Variants in ZNF93 observed in about 807,000 individuals in gnomAD.
The protein encoded by ZNF93 is zinc finger protein 505.
A neutral mutation model predicts 45.0 loss-of-function variants in ZNF93; 29 were observed. The ratio of observed to expected loss-of-function variants is 0.64; its 90% CI spans 0.48 to 0.88. ZNF93 has a LOEUF of 0.88. ZNF93 is among the 40% of genes least tolerant of loss of function. ZNF93 has a pLI of 0.00. For missense variants in ZNF93, 578 were observed against 724.0 expected, an observed-to-expected ratio of 0.80 and a Z score of 2.31; for synonymous variants, 223 against 244.6, an observed-to-expected ratio of 0.91 and a Z score of 0.82.
At chr19:19,919,152 G>GT (rs2063334550) in intron 3 of ZNF93, among the ~76,000 whole-genome samples, 1 of 152,198 alleles carries the variant, frequency 6.6e-6, no homozygotes, top group Non-Finnish European at 1.5e-5. Context: ...AAGGGATCCA[G>GT]TTCCAGCTTT....
intron 1 of ZNF93, among the ~76,000 whole-genome samples, chr19:19,905,063 A>T (rs1294127512): frequency 6.6e-6 from 1 of 151,956 alleles, no homozygotes; most frequent in South Asian, 2.1e-4. Flanking sequence ...TTCTCCACCA[A>T]CCTAGGGTCT....
At chr19:19,904,786 G>T (rs2122160181) in intron 1 of ZNF93, among the ~76,000 whole-genome samples, 1 of 152,262 alleles carries the variant, frequency 6.6e-6, no homozygotes, top group Admixed American at 6.5e-5. Flanking sequence ...TTCTCCCAGG[G>T]TGAGAGATGA....
chr19:19,906,705 T>C (rs2063293792), intron 1 of ZNF93, among the ~76,000 whole-genome samples: 1 of 152,114 alleles, frequency 6.6e-6, no homozygotes, highest in South Asian at 2.1e-4. Context: ...GATTTTTGTA[T>C]ATGATGTAAT....
intron 3 of ZNF93, chr19:19,931,924 C>T (rs971824664): frequency 4.2e-5 from 14 of 335,530 alleles, no homozygotes; most frequent in Non-Finnish European, 7.9e-5. Flanking sequence ...AATCTCATAA[C>T]AACTTCAATT....
Position 19,933,193 on chromosome 19 carries a change from C to T in ZNF93, c.238C>T (p.His80Tyr). The T allele has an allele frequency of 6.5e-7, 1 of 1,529,906 alleles. No homozygotes were observed. The highest frequency in any genetic ancestry group is 8.8e-7 in the Non-Finnish European group (1 of 1,138,974). 94.8% of individuals were successfully genotyped at this position (1,529,906 alleles called of 1,614,324 possible). Residue 80 changes from histidine (H) to tyrosine (Y), a missense_variant, in exon 4 of 4, where the codon CAT becomes TAT. Physicochemically the swap from His to Tyr is moderately conservative, Grantham distance 83 (BLOSUM62 2). Coordinates refer to ENST00000343769, the MANE Select transcript of ZNF93 (RefSeq NM_031218.4). ...ATTGTTTCTTTCAGTTATATGTTCT[C>T]ATTTTGCCCAAGATCTTTGGCCAGA... is the stretch of plus-strand genomic sequence containing the variant. ...MVANPSVICS[H>Y]FAQDLWPEQN...
rs1442150614 is a variant in ZNF93, at chr19:19,934,379, A to G, written c.1424A>G (p.His475Arg). 2 of 1,613,826 alleles carry G rather than the reference A, an allele frequency of 1.2e-6. No homozygotes were observed. The highest frequency in any genetic ancestry group is 1.3e-5 in the African/African-American group (1 of 74,942). ...SSSLTKHKKI[H>R]TGEKPYKCEE... ...TCCCTTACTAAACATAAGAAAATTCATACTGGAGAGAAACCCTACAAATGT... is the reference window on the plus strand; with the variant it reads ...TCCCTTACTAAACATAAGAAAATTCGTACTGGAGAGAAACCCTACAAATGT... Residue 475 changes from histidine to arginine, a missense_variant, in exon 4 of 4, where the codon CAT (histidine) becomes CGT (arginine). By Grantham distance (29) the His-to-Arg change is conservative. Transcript: ENST00000343769.
At chr19:19,901,935 C>T (rs1392181706) in intron 1 of ZNF93, among the ~76,000 whole-genome samples, 7 of 152,156 alleles carry the variant, frequency 4.6e-5, no homozygotes, top group Non-Finnish European at 5.9e-5. Flanking sequence ...ACTAAAAATA[C>T]AAAAATTAGC....
intron 3 of ZNF93, among the ~76,000 whole-genome samples, chr19:19,925,788 C>A (rs2063354230): frequency 6.6e-6 from 1 of 151,938 alleles, no homozygotes; most frequent in Non-Finnish European, 1.5e-5. Flanking sequence ...GAGGGTCTAA[C>A]CCTATTCTGC....
At chr19:19,932,330 A>G (rs2063377276) in intron 3 of ZNF93, 1 of 152,970 alleles carries the variant, frequency 6.5e-6, no homozygotes, top group Middle Eastern at 3.2e-3. Context: ...TTATCTTGCA[A>G]AGCTAAATCT....
chr19:19,928,362 T>G (rs1052672151), intron 3 of ZNF93, among the ~76,000 whole-genome samples: 2 of 152,238 alleles, frequency 1.3e-5, no homozygotes, highest in Admixed American at 1.3e-4. Context: ...TGTATTGATA[T>G]CTTTGAAAAA....
chr19:19,916,963 C>A (rs764620097), intron 3 of ZNF93, among the ~76,000 whole-genome samples: 5 of 152,052 alleles, frequency 3.3e-5, no homozygotes, highest in Non-Finnish European at 5.9e-5. Flanking sequence ...CTTTTCCATT[C>A]TTTTGGGGAC....
intron 1 of ZNF93, among the ~76,000 whole-genome samples, chr19:19,901,934 A>G (rs754373485): frequency 3.9e-5 from 6 of 152,152 alleles, no homozygotes; most frequent in Non-Finnish European, 8.8e-5. Flanking sequence ...TACTAAAAAT[A>G]CAAAAATTAG....
At chr19:19,925,250 A>G (rs542015958) in intron 3 of ZNF93, among the ~76,000 whole-genome samples, 4 of 151,598 alleles carry the variant, frequency 2.6e-5, no homozygotes, top group Admixed American at 2.0e-4. Flanking sequence ...GCATTTCACA[A>G]CTCCCTCCCC....
At chr19:19,914,801 G>A (rs1643483601) in intron 1 of ZNF93, 3 of 372,900 alleles carry the variant, frequency 8.0e-6, no homozygotes, top group Middle Eastern at 8.9e-4. Flanking sequence ...TCCTTCTCGG[G>A]CCAAAAACAT....
intron 3 of ZNF93, among the ~76,000 whole-genome samples, chr19:19,931,737 T>G (rs577831297): frequency 6.6e-6 from 1 of 152,346 alleles, no homozygotes; most frequent in South Asian, 2.1e-4. Flanking sequence ...TTTATGTGTT[T>G]CTAGTAGTTA....
At chr19:19,926,973 AAC>A in intron 3 of ZNF93, 1 of 392,534 alleles carries the variant, frequency 2.5e-6, no homozygotes, top group Non-Finnish European at 4.5e-6. Flanking sequence ...TTGTGAAAGA[AAC>A]ACTTTTGTGA....
intron 2 of ZNF93, 35 bp downstream of exon 2, chr19:19,915,441 C>T (rs964421247): frequency 1.3e-6 from 2 of 1,580,382 alleles, no homozygotes; most frequent in Non-Finnish European, 8.6e-7. Flanking sequence ...TCATAATACA[C>T]CCTAAAGGTT....
intron 3 of ZNF93, among the ~76,000 whole-genome samples, chr19:19,918,404 A>G (rs200514855): frequency 1.3e-5 from 2 of 152,272 alleles, no homozygotes; most frequent in East Asian, 1.9e-4. Flanking sequence ...TAGTGCTGCA[A>G]TAAACATACG....
intron 1 of ZNF93, chr19:19,914,677 CT>C (rs1200244320): frequency 2.1e-4 from 50 of 232,716 alleles, no homozygotes; most frequent in South Asian, 4.4e-4. Context: ...GTCCTTTTTT[CT>C]TTTTTTTTCT....
Sources: gnomAD v4.1 joint callset for allele counts (sites outside exome capture counted in the v4.1 genomes callset) on GRCh38, gnomAD v4.1.1 for gene constraint, MANE v1.5 for transcripts, NCBI Gene and HGNC (gene_info 2026-07-23, HGNC 2026-07-21) for gene names.